Variants in SLC16A8 observed in about 807,000 individuals in gnomAD.
SLC16A8 encodes the protein monocarboxylate transporter 3.
Under a neutral mutation model 22.4 loss-of-function variants are expected in SLC16A8, and 20 were observed. That is an observed-to-expected ratio of 0.89 (90% CI 0.63 to 1.30). SLC16A8 has a LOEUF of 1.30. Among genes scored for constraint, SLC16A8 ranks in the 50% most tolerant of loss-of-function variants. The pLI is 0.00. For missense variants in SLC16A8, 817 were observed against 740.3 expected (o/e 1.10, Z -1.20); for synonymous variants, 393 against 358.8 (o/e 1.10, Z -1.08).
Position 38,078,265 on chromosome 22 carries a change from C to T in SLC16A8, c.*123G>A. 1.1e-6 allele frequency: 1 copy of T among 921,980 alleles called. No individual in the cohort carries two copies. Among genetic ancestry groups the T allele is most frequent in the Non-Finnish European group, 1.6e-6 (1 of 608,298 alleles). The allele number at this position is 921,980 out of a possible 1,614,324, so 57.1% of individuals were successfully genotyped here. A position where few individuals can be genotyped will look rare whatever the true frequency, so the allele number is the denominator to read the frequency against. Reference sequence around the variant, plus strand: ...AGTTCCCAGACACCCAGGGGATCAACTGGAGCCCAGACGTGGACCCCGGGA... The same window carrying T: ...AGTTCCCAGACACCCAGGGGATCAATTGGAGCCCAGACGTGGACCCCGGGA... On this transcript the variant is annotated 3_prime_UTR_variant, in exon 6 of 6. Coordinates refer to ENST00000681075, the MANE Select transcript of SLC16A8 (RefSeq NM_013356.3).
In SLC16A8 at chr22:38,081,189, CA is replaced by C; in HGVS notation, c.848del (p.Val283GlyfsTer53). 6.4e-7 allele frequency: 1 copy of C among 1,557,034 alleles called. No homozygotes were observed. Among genetic ancestry groups the C allele is most frequent in the Non-Finnish European group, 8.7e-7 (1 of 1,150,632 alleles). On this transcript the variant is annotated frameshift_variant, in exon 5 of 6. Coordinates refer to ENST00000681075, the MANE Select transcript of SLC16A8 (RefSeq NM_013356.3). LOFTEE classifies it high-confidence loss of function. ...GCAGGAAGGCGGCGTCGGTGTCGGG[CA>C]CGCCCGCGTCCTTGGCGTAGTTCAC... ...LLVNYAKDAG[V>X]PDTDAAFLLS... is the part of the protein sequence containing the mutation.
In SLC16A8 at chr22:38,078,259, G is replaced by T. The variant is rs1569208421; in HGVS notation, c.*129C>A. 4 of 860,796 alleles carry T rather than the reference G, an allele frequency of 4.6e-6. No homozygotes were observed. In the Admixed American group the frequency reaches 7.0e-5, roughly 15 times the overall value. The allele number at this position is 860,796 out of a possible 1,614,324, so 53.3% of individuals were successfully genotyped here. Reference sequence around the variant, plus strand: ...GGAGGCAGTTCCCAGACACCCAGGGGATCAACTGGAGCCCAGACGTGGACC... The same window carrying T: ...GGAGGCAGTTCCCAGACACCCAGGGTATCAACTGGAGCCCAGACGTGGACC... On this transcript the variant is annotated 3_prime_UTR_variant, in exon 6 of 6. Coordinates refer to ENST00000681075, the MANE Select transcript of SLC16A8 (RefSeq NM_013356.3).
chr22:38,081,104 G>T lies in SLC16A8; in HGVS notation c.934C>A (p.Leu312Met). The T allele has an allele frequency of 6.5e-7, 1 of 1,549,154 alleles. No homozygotes were observed. The highest frequency in any genetic ancestry group is 2.4e-5 in the East Asian group (1 of 41,854). ...GGGACGTGCGGCCGCAGACGCGCCA[G>T]GCCCGCCAGGGCGCCGCACGCCGGG... ...ARPACGALAG[L>M]ARLRPHVPYL... Residue 312 changes from leucine to methionine, a missense_variant, in exon 5 of 6, where the codon CTG becomes ATG. Leu to Met is a conservative substitution (Grantham distance 15). Transcript: ENST00000681075.
In SLC16A8 at chr22:38,081,084, G is replaced by C. The variant is rs781028975; in HGVS notation, c.954C>G (p.His318Gln). The C allele has an allele frequency of 1.9e-6, 3 of 1,566,196 alleles. No individual in the cohort carries two copies. Among genetic ancestry groups the C allele is most frequent in the South Asian group, 1.2e-5 (1 of 86,370 alleles). The change falls in exon 5 of 6, where the codon CAC becomes CAG. Residue 318 changes from histidine (H) to glutamine (Q), a missense_variant. His to Gln is a conservative substitution (Grantham distance 24). Transcript: ENST00000681075. ...GGGCCAGGCTGAACAGATACGGGAC[G>C]TGCGGCCGCAGACGCGCCAGGCCCG... is the stretch of plus-strand genomic sequence containing the variant. Reference protein sequence around the residue: ...ALAGLARLRPHVPYLFSLALL... With the variant: ...ALAGLARLRPQVPYLFSLALL...
chr22:38,080,758 G>A, intron 5 of SLC16A8, 82 bp downstream of exon 5: 1 of 1,424,400 alleles, frequency 7.0e-7, no homozygotes, highest in Non-Finnish European at 9.1e-7. Flanking sequence ...ATCCCTGGAA[G>A]TTCCATCTGA....
chr22:38,081,632 G>A lies in SLC16A8; in HGVS notation c.406C>T (p.Leu136=). The change falls in exon 5 of 6, where the codon CTG becomes TTG. Residue 136 remains leucine, a synonymous_variant. Transcript: ENST00000681075. The part of the protein sequence containing the change: ...NFQPSLIMLG[L]YFERRRPLAN... ...AGAGGCCGCCGCCGCTCGAAGTACAGCCCCAGCATGATGAGCGACGGCTGG... is the reference window on the plus strand; with the variant it reads ...AGAGGCCGCCGCCGCTCGAAGTACAACCCCAGCATGATGAGCGACGGCTGG... The A allele has an allele frequency of 6.5e-7, 1 of 1,528,582 alleles. No individual in the cohort carries two copies. Among genetic ancestry groups the A allele is most frequent in the East Asian group, 2.5e-5 (1 of 39,360 alleles). 94.7% of individuals were successfully genotyped at this position (1,528,582 alleles called of 1,614,324 possible).
chr22:38,082,838 G>T lies in SLC16A8; in HGVS notation c.36C>A (p.Pro12=). The T allele has an allele frequency of 6.4e-7, 1 of 1,569,732 alleles. No individual in the cohort carries two copies. The highest frequency in any genetic ancestry group is 8.6e-7 in the Non-Finnish European group (1 of 1,162,622). ...CCACCCAGCCCCAGCCGCCGTCTGGGGGGCCCTCGCCCCGCCGGGGGCCGC... is the reference window on the plus strand; with the variant it reads ...CCACCCAGCCCCAGCCGCCGTCTGGTGGGCCCTCGCCCCGCCGGGGGCCGC... ...GAGGPRRGEG[P]PDGGWGWVVL... The change falls in exon 3 of 6, where the codon CCC becomes CCA. Residue 12 remains proline, a synonymous_variant. Coordinates refer to ENST00000681075, the MANE Select transcript of SLC16A8 (RefSeq NM_013356.3).
In SLC16A8 at chr22:38,078,517, G is replaced by GT. The variant is rs981716487; in HGVS notation, c.1385dup (p.Asp462GlufsTer3). 6.2e-7 allele frequency: 1 copy of GT among 1,614,092 alleles called. No individual in the cohort carries two copies. Among genetic ancestry groups the GT allele is most frequent in the Non-Finnish European group, 8.5e-7 (1 of 1,180,056 alleles). ...CTGCAACAACAGGCAGGGGCTCAGAGTCCCCTTCAGCCTCAGCGTCCTCAG... is the reference window on the plus strand; with the variant it reads ...CTGCAACAACAGGCAGGGGCTCAGAGTTCCCCTTCAGCCTCAGCGTCCTCAG... On this transcript the variant is annotated frameshift_variant, in exon 6 of 6. Coordinates refer to ENST00000681075, the MANE Select transcript of SLC16A8 (RefSeq NM_013356.3). LOFTEE classifies it low-confidence loss of function (END_TRUNC).
Position 38,080,876 on chromosome 22 carries a change from C to T in SLC16A8, c.1162G>A (p.Glu388Lys), listed in dbSNP as rs2085903950. Residue 388 changes from glutamate (E) to lysine (K), a missense_variant, in exon 5 of 6, where the codon GAG becomes AAG. Physicochemically the swap from Glu to Lys is moderately conservative, Grantham distance 56. Coordinates refer to ENST00000681075, the MANE Select transcript of SLC16A8 (RefSeq NM_013356.3). Reference sequence around the variant, plus strand: ...GGTCCGATGAGCACAGCCGCGGCCTCCACGAGCAACACCAGGCCCAGCGCA... The same window carrying T: ...GGTCCGATGAGCACAGCCGCGGCCTTCACGAGCAACACCAGGCCCAGCGCA... The part of the protein sequence containing the change: ...PSALGLVLLV[E>K]AAAVLIGPPS... 18 of 1,547,870 alleles carry T rather than the reference C, an allele frequency of 1.2e-5. No individual in the cohort carries two copies. Among genetic ancestry groups the T allele is most frequent in the Non-Finnish European group, 1.5e-5 (17 of 1,154,062 alleles).
At chr22:38,080,628 G>C (rs2085900191) in intron 5 of SLC16A8, among the ~76,000 whole-genome samples, 1 of 152,212 alleles carries the variant, frequency 6.6e-6, no homozygotes, top group South Asian at 2.1e-4. Context: ...TACCAGTGTT[G>C]CTTTCTTCCC....
In SLC16A8 at chr22:38,078,556, G is replaced by A. The variant is rs1345564079; in HGVS notation, c.1347C>T (p.Gly449=). 2.3e-5 allele frequency: 37 copies of A among 1,614,010 alleles called. No homozygotes were observed. Among genetic ancestry groups the A allele is most frequent in the Non-Finnish European group, 2.7e-5 (32 of 1,180,044 alleles). The change falls in exon 6 of 6, where the codon GGC becomes GGT. Residue 449 remains glycine, a synonymous_variant. Coordinates refer to ENST00000681075, the MANE Select transcript of SLC16A8 (RefSeq NM_013356.3). The part of the protein sequence containing the change: ...KAAPSGPGTE[G]GASDTEDAEA... ...CAGCGTCCTCAGTGTCACTGGCTCC[G>A]CCCTCAGTGCCTGGGCCTGACGGGG...
intron 3 of SLC16A8, among the ~76,000 whole-genome samples, chr22:38,082,354 A>G (rs1190483322): frequency 6.6e-6 from 1 of 152,186 alleles, no homozygotes; most frequent in East Asian, 1.9e-4. Flanking sequence ...CCCCACCTAC[A>G]GGTCAGGGCT....
intron 1 of SLC16A8, among the ~76,000 whole-genome samples, 195 bp downstream of exon 1, chr22:38,083,793 C>CG (rs1449670151): frequency 6.2e-4 from 71 of 115,086 alleles, no homozygotes; most frequent in Middle Eastern, 4.7e-3. Context: ...CTGGGGATAG[C>CG]CTCCTGCCCT....
At position 38,082,005 on chromosome 22, in the gene SLC16A8, C is replaced by T; in HGVS notation, c.242G>A (p.Arg81His). 1 of 1,578,702 alleles carries T rather than the reference C, an allele frequency of 6.3e-7. No homozygotes were observed. Among genetic ancestry groups the T allele is most frequent in the Admixed American group, 1.8e-5 (1 of 54,970 alleles). Residue 81 changes from arginine (R) to histidine (H), a missense_variant, in exon 4 of 6, where the codon CGC (arginine) becomes CAC (histidine). Transcript: ENST00000681075. The stretch of plus-strand genomic sequence containing the variant: ...CAGCATCACCGGGCGACAGCCAAAG[C>T]GGGTCACGAGGATGCTGGACACGGG... Reference protein sequence around the residue: ...TGPVSSILVTRFGCRPVMLAG... With the variant: ...TGPVSSILVTHFGCRPVMLAG...
Position 38,078,350 on chromosome 22 carries a change from C to T in SLC16A8, c.*38G>A. Reference sequence around the variant, plus strand: ...GCTCTCTGAGACAAGAAGCTGTGTTCCCAAGTCACTGGGCCACCCCACCCA... The same window carrying T: ...GCTCTCTGAGACAAGAAGCTGTGTTTCCAAGTCACTGGGCCACCCCACCCA... On this transcript the variant is annotated 3_prime_UTR_variant, in exon 6 of 6. Coordinates refer to ENST00000681075, the MANE Select transcript of SLC16A8 (RefSeq NM_013356.3). The T allele has an allele frequency of 1.9e-6, 3 of 1,551,598 alleles. No individual in the cohort carries two copies. Among genetic ancestry groups the T allele is most frequent in the Non-Finnish European group, 2.6e-6 (3 of 1,149,960 alleles).
Position 38,080,896 on chromosome 22 carries a change from A to C in SLC16A8, c.1142T>G (p.Leu381Arg). The C allele has an allele frequency of 1.3e-6, 2 of 1,563,414 alleles. No individual in the cohort carries two copies. Among genetic ancestry groups the C allele is most frequent in the Non-Finnish European group, 1.7e-6 (2 of 1,161,006 alleles). The change falls in exon 5 of 6, where the codon CTG (leucine) becomes CGG (arginine). Residue 381 changes from leucine to arginine, a missense_variant. Coordinates refer to ENST00000681075, the MANE Select transcript of SLC16A8 (RefSeq NM_013356.3). The stretch of plus-strand genomic sequence containing the variant: ...GGCCTCCACGAGCAACACCAGGCCC[A>C]GCGCACTGGGGAAGCGGGGCGCGCC... ...AVGAPRFPSA[L>R]GLVLLVEAAA... is the part of the protein sequence containing the mutation.
At chr22:38,081,763 C>A (rs1223612554) in intron 4 of SLC16A8, 84 bp from the exon 5 acceptor site, 14 of 1,457,842 alleles carry the variant, frequency 9.6e-6, no homozygotes, top group African/African-American at 2.9e-5. Flanking sequence ...GCCCGGGAAC[C>A]CAGCAGATCC....
chr22:38,081,835 C>A (rs2085922888), intron 4 of SLC16A8, 54 bp downstream of exon 4: 3 of 1,542,374 alleles, frequency 1.9e-6, no homozygotes, highest in Non-Finnish European at 2.6e-6. Context: ...ACAGATCTTG[C>A]AGCAAGAACC....
chr22:38,078,581 G>T lies in SLC16A8; in HGVS notation c.1322C>A (p.Ala441Asp). Residue 441 changes from alanine to aspartate, a missense_variant, in exon 6 of 6, where the codon GCC (alanine) becomes GAC (aspartate). By Grantham distance (126) the Ala-to-Asp change is moderately radical. Coordinates refer to ENST00000681075, the MANE Select transcript of SLC16A8 (RefSeq NM_013356.3). ...TNCCLRCAKA[A>D]PSGPGTEGGA... is the part of the protein sequence containing the mutation. ...GCCCTCAGTGCCTGGGCCTGACGGG[G>T]CAGCTTTAGCACAACGCAGGCAGCA... is the stretch of plus-strand genomic sequence containing the variant. The T allele has an allele frequency of 6.2e-7, 1 of 1,614,140 alleles. No individual in the cohort carries two copies. The highest frequency in any genetic ancestry group is 8.5e-7 in the Non-Finnish European group (1 of 1,180,028).
Sources: allele counts gnomAD v4.1 joint callset (sites outside exome capture counted in the v4.1 genomes callset), GRCh38; gene constraint gnomAD v4.1.1; transcripts MANE v1.5; gene names NCBI Gene and HGNC (gene_info 2026-07-23, HGNC 2026-07-21).